The following PAH variants were observed in gnomAD, a reference collection of about 807,000 sequenced individuals.
The protein encoded by PAH is phenylalanine hydroxylase.
Under a neutral mutation model 62.0 loss-of-function variants are expected in PAH, and 64 were observed. The ratio of observed to expected loss-of-function variants is 1.03; its 90% confidence interval spans 0.84 to 1.27. The LOEUF is 1.27. Among genes scored for constraint, PAH ranks in the 50% most tolerant of loss-of-function variants. PAH has a pLI of 0.00. For missense variants in PAH, 579 were observed against 542.8 expected, an observed-to-expected ratio of 1.07 and a Z score of -0.66; for synonymous variants, 195 against 196.2, an observed-to-expected ratio of 0.99 and a Z score of 0.05.
intron 5 of PAH, among the ~76,000 whole-genome samples, chr12:102,855,578 T>C (rs922785517): frequency 3.3e-5 from 5 of 152,218 alleles, no homozygotes; most frequent in Non-Finnish European, 5.9e-5. Context: ...GGATTTGCTC[T>C]CACTTTCGGG....
At chr12:102,890,433 C>T (rs375097476) in intron 3 of PAH, among the ~76,000 whole-genome samples, 24 of 152,146 alleles carry the variant, frequency 1.6e-4, no homozygotes, top group African/African-American at 5.3e-4. Flanking sequence ...TGGCCCAGAC[C>T]CCACTTCACG....
chr12:102,893,709 CCA>C (rs1323969950), intron 3 of PAH, among the ~76,000 whole-genome samples: 1 of 152,192 alleles, frequency 6.6e-6, no homozygotes, highest in Non-Finnish European at 1.5e-5. Flanking sequence ...AGGACTTGAA[CCA>C]CAGTCTATTC....
At chr12:102,864,620 G>T (rs1057407293) in intron 5 of PAH, among the ~76,000 whole-genome samples, 1 of 152,066 alleles carries the variant, frequency 6.6e-6, no homozygotes, top group South Asian at 2.1e-4. Context: ...ACAAAATGAG[G>T]GTAGAAACAG....
At chr12:102,865,679 A>T (rs1329497426) in intron 5 of PAH, among the ~76,000 whole-genome samples, 1 of 152,216 alleles carries the variant, frequency 6.6e-6, no homozygotes, top group Admixed American at 6.5e-5. Context: ...AGATGGGCTT[A>T]GATCTGACTA....
chr12:102,892,008 T>TTGGGGAAGCAGC (rs1200161827), intron 3 of PAH, among the ~76,000 whole-genome samples: 1 of 152,168 alleles, frequency 6.6e-6, no homozygotes, highest in Non-Finnish European at 1.5e-5. Context: ...AGGGCAGTCA[T>TTGGGGAAGCAGC]TGGGGAAGCA....
Position 102,844,450 on chromosome 12 carries a change from C to T in PAH, c.970-19G>A. ...AGTAAATCTGGAATGGAAAGTCAAT[C>T]TGAGAGCACACTCTATGATGGTTAA... On this transcript the variant is annotated intron_variant, in intron 9 of 12. Transcript: ENST00000553106. 2 of 1,500,584 alleles carry T rather than the reference C, an allele frequency of 1.3e-6. No homozygotes were observed. The highest frequency in any genetic ancestry group is 1.9e-6 in the Non-Finnish European group (2 of 1,077,020). The allele number at this position is 1,500,584 out of a possible 1,614,324, so 93.0% of individuals were successfully genotyped here.
At chr12:102,930,698 T>C (rs187036326) in intron 1 of PAH, among the ~76,000 whole-genome samples, 1 of 152,340 alleles carries the variant, frequency 6.6e-6, no homozygotes, top group African/African-American at 2.4e-5. Context: ...GCATGTTATA[T>C]GGGGTCTAGT....
chr12:102,952,392 A>G (rs1245202113), upstream of PAH, among the ~76,000 whole-genome samples: 1 of 152,078 alleles, frequency 6.6e-6, no homozygotes, highest in East Asian at 1.9e-4. Context: ...AAAGACCTTT[A>G]CTTTATTTTC....
At position 102,852,865 on chromosome 12, in the gene PAH, G is replaced by A. The variant is rs912042558; in HGVS notation, c.792C>T (p.His264=). The part of the protein sequence containing the change: ...FLGGLAFRVF[H]CTQYIRHGSK... Reference sequence around the variant, plus strand: ...ATCCATGTCTGATGTACTGTGTGCAGTGGAAGACTCGGAAGGCCAGGCCAC... The same window carrying A: ...ATCCATGTCTGATGTACTGTGTGCAATGGAAGACTCGGAAGGCCAGGCCAC... The change falls in exon 7 of 13, where the codon CAC becomes CAT. Residue 264 remains histidine, a synonymous_variant. Coordinates refer to ENST00000553106, the MANE Select transcript of PAH (RefSeq NM_000277.3). The A allele has an allele frequency of 1.2e-6, 2 of 1,614,130 alleles. No homozygotes were observed. Among genetic ancestry groups the A allele is most frequent in the Non-Finnish European group, 1.7e-6 (2 of 1,180,010 alleles).
At chr12:102,892,049 G>T (rs1452600766) in intron 3 of PAH, among the ~76,000 whole-genome samples, 4 of 152,188 alleles carry the variant, frequency 2.6e-5, no homozygotes, top group African/African-American at 9.7e-5. Flanking sequence ...AAGAAGGCAG[G>T]ATAGGACTAA....
At chr12:102,888,101 C>T (rs987663598) in intron 3 of PAH, among the ~76,000 whole-genome samples, 1 of 152,020 alleles carries the variant, frequency 6.6e-6, no homozygotes, top group Non-Finnish European at 1.5e-5. Flanking sequence ...TCATTGTGTA[C>T]CCTTATGAGA....
chr12:102,905,647 C>G (rs985556363), intron 2 of PAH, among the ~76,000 whole-genome samples: 4 of 152,082 alleles, frequency 2.6e-5, no homozygotes, highest in Non-Finnish European at 5.9e-5. Flanking sequence ...GTTTCCTCCT[C>G]TCTAAGATCA....
At chr12:102,852,693 G>A (rs1875208381) in intron 7 of PAH, 122 bp downstream of exon 7, 1 of 1,220,270 alleles carries the variant, frequency 8.2e-7, no homozygotes, top group Non-Finnish European at 1.2e-6. Context: ...AGTACTACCA[G>A]CAAACAGTCT....
At chr12:102,877,685 T>A (rs1876634231) in intron 3 of PAH, 135 bp from the exon 4 acceptor site, 3 of 726,160 alleles carry the variant, frequency 4.1e-6, no homozygotes, top group Non-Finnish European at 7.5e-6. Flanking sequence ...CCCAAATTAC[T>A]ATCGTTCAAA....
In PAH at chr12:102,846,911, A is replaced by G. The variant is rs62642918; in HGVS notation, c.953T>C (p.Ile318Thr). ...LASLGAPDEY[I>T]EKLATIYWFT... ...GGGACTTACTGTGGCGAGCTTTTCA[A>G]TGTATTCATCAGGTGCACCCAGAGA... is the stretch of plus-strand genomic sequence containing the variant. Residue 318 changes from isoleucine (I) to threonine (T), a missense_variant, in exon 9 of 13, where the codon ATT (isoleucine) becomes ACT (threonine). Ile to Thr is a moderately conservative substitution (Grantham distance 89, BLOSUM62 -1). Coordinates refer to ENST00000553106, the MANE Select transcript of PAH (RefSeq NM_000277.3). 1 of 1,613,626 alleles carries G rather than the reference A, an allele frequency of 6.2e-7. No homozygotes were observed. Among genetic ancestry groups the G allele is most frequent in the Admixed American group, 1.7e-5 (1 of 59,996 alleles).
chr12:102,909,683 G>A (rs1374374441), intron 2 of PAH, among the ~76,000 whole-genome samples: 1 of 152,168 alleles, frequency 6.6e-6, no homozygotes, highest in Non-Finnish European at 1.5e-5. Flanking sequence ...AATTGGCCCT[G>A]GCTGGTAGCT....
chr12:102,885,915 C>A (rs2136690595), intron 3 of PAH: 1 of 152,648 alleles, frequency 6.6e-6, no homozygotes, highest in Admixed American at 6.5e-5. Context: ...TCACCACCTC[C>A]TCCCAGGCTC....
chr12:102,866,599 C>A lies in PAH; in HGVS notation c.506G>T (p.Arg169Leu). 2.5e-6 allele frequency: 4 copies of A among 1,612,420 alleles called. No individual in the cohort carries two copies. The highest frequency in any genetic ancestry group is 3.4e-6 in the Non-Finnish European group (4 of 1,178,550). Residue 169 changes from arginine to leucine, a missense_variant, in exon 5 of 13, where the codon CGC (arginine) becomes CTC (leucine). Physicochemically the swap from Arg to Leu is moderately radical, Grantham distance 102. Coordinates refer to ENST00000553106, the MANE Select transcript of PAH (RefSeq NM_000277.3). ...TCAACAAGCAAGGCAGACTTACTGG[C>A]GGTAGTTGTAGGCAATGTCAGCAAA... Reference protein sequence around the residue: ...KQFADIAYNYRHGQPIPRVEY... With the variant: ...KQFADIAYNYLHGQPIPRVEY...
chr12:102,902,517 G>T (rs776684110), intron 2 of PAH, among the ~76,000 whole-genome samples: 28 of 152,192 alleles, frequency 1.8e-4, no homozygotes, highest in Non-Finnish European at 1.5e-5. Flanking sequence ...TACGGTAGTT[G>T]CAAAGGTTGG....
Sources: allele counts gnomAD v4.1 joint callset (sites outside exome capture counted in the v4.1 genomes callset), GRCh38; gene constraint gnomAD v4.1.1; transcripts MANE v1.5; gene names NCBI Gene and HGNC (gene_info 2026-07-23, HGNC 2026-07-21).